Variants in TBC1D22A observed in about 807,000 individuals in gnomAD.
TBC1D22A encodes TBC1 domain family member 22A, also known as putative GTPase activator.
TBC1D22A carries 38 observed loss-of-function variants against 60.2 expected under a neutral mutation model. That is an observed-to-expected ratio of 0.63 (90% CI 0.49 to 0.83). The LOEUF (loss-of-function observed/expected upper bound fraction) is 0.83, where lower values mean the gene tolerates loss of function less well. Among genes scored for constraint, TBC1D22A ranks in the 40% least tolerant of loss-of-function variants. The pLI is 0.00. For synonymous variants in TBC1D22A, 302 were observed against 281.7 expected, an observed-to-expected ratio of 1.07 and a Z score of -0.72; for missense variants, 628 against 701.0, an observed-to-expected ratio of 0.90 and a Z score of 1.18.
At chr22:46,851,295 G>T (rs555413318) in intron 4 of TBC1D22A, among the ~76,000 whole-genome samples, 1 of 152,220 alleles carries the variant, frequency 6.6e-6, no homozygotes, top group Non-Finnish European at 1.5e-5. Flanking sequence ...GAACAGGTTC[G>T]ACTTTCACCG....
intron 8 of TBC1D22A, among the ~76,000 whole-genome samples, chr22:46,931,030 C>T (rs1027821949): frequency 1.3e-5 from 2 of 152,162 alleles, no homozygotes; most frequent in African/African-American, 4.8e-5. Context: ...AAGGCCCCAC[C>T]GTTTCAGTTC....
intron 11 of TBC1D22A, among the ~76,000 whole-genome samples, chr22:47,073,780 T>C (rs1158416286): frequency 6.6e-6 from 1 of 152,184 alleles, no homozygotes; most frequent in Non-Finnish European, 1.5e-5. Context: ...TGTTCCTTAG[T>C]AGGCCTTAAA....
chr22:47,097,544 G>T (rs1161057042), intron 11 of TBC1D22A, among the ~76,000 whole-genome samples: 1 of 152,018 alleles, frequency 6.6e-6, no homozygotes. Flanking sequence ...TTGGGAGGCG[G>T]AGCTTGCAGT....
intron 4 of TBC1D22A, among the ~76,000 whole-genome samples, chr22:46,867,510 A>G (rs1176855758): frequency 6.6e-6 from 1 of 152,244 alleles, no homozygotes; most frequent in Non-Finnish European, 1.5e-5. Flanking sequence ...AGCCCTCCAC[A>G]TCGATAAATG....
intron 1 of TBC1D22A, among the ~76,000 whole-genome samples, chr22:46,776,007 C>T (rs548776141): frequency 4.1e-4 from 63 of 152,326 alleles, no homozygotes; most frequent in South Asian, 4.1e-4. Context: ...CTCCTGCTAC[C>T]GAGGGACTTC....
rs371883385 is a variant in TBC1D22A at position 47,004,907 on chromosome 22, C to T, written c.1201+7198C>T. ...TACACACACCCCTATATATACATAC[C>T]TGCCATATACACATACACCTACATA... On this transcript the variant is annotated intron_variant, in intron 10 of 12. Coordinates refer to ENST00000337137, the MANE Select transcript of TBC1D22A (RefSeq NM_014346.5). Among the ~76,000 whole-genome samples, 42 of 151,914 alleles carry T rather than the reference C, an allele frequency of 2.8e-4. No individual in the cohort carries two copies. In the East Asian group the frequency reaches 4.1e-3, roughly 15 times the overall value.
chr22:46,879,132 TTG>T (rs1265733269), intron 5 of TBC1D22A, among the ~76,000 whole-genome samples: 1 of 151,616 alleles, frequency 6.6e-6, no homozygotes, highest in Non-Finnish European at 1.5e-5. Context: ...TTTTTTTTTT[TTG>T]TAAGTATTAG....
chr22:47,022,797 G>C (rs73888805), intron 10 of TBC1D22A, among the ~76,000 whole-genome samples: 6,125 of 152,262 alleles, frequency 0.04, 379 homozygotes, highest in African/African-American at 0.14. Flanking sequence ...TTTTCCTTCA[G>C]TAGTGGTAGT....
chr22:46,972,632 G>T (rs1215847681), intron 8 of TBC1D22A, among the ~76,000 whole-genome samples: 1 of 152,194 alleles, frequency 6.6e-6, no homozygotes, highest in Non-Finnish European at 1.5e-5. Context: ...TGCCAGGCGT[G>T]GGGTGGGGAG....
chr22:47,031,336 A>G (rs1329903903), intron 10 of TBC1D22A, among the ~76,000 whole-genome samples: 1 of 152,226 alleles, frequency 6.6e-6, no homozygotes. Context: ...CCCGGCGGGC[A>G]GAAACAGGCC....
chr22:46,776,263 GGA>G (rs1214012826), intron 1 of TBC1D22A, among the ~76,000 whole-genome samples: 3 of 152,242 alleles, frequency 2.0e-5, no homozygotes, highest in Admixed American at 6.5e-5. Flanking sequence ...TGAGTGAGGA[GGA>G]GTACAGGGTG....
At chr22:46,855,129 T>C (rs2087502347) in intron 4 of TBC1D22A, among the ~76,000 whole-genome samples, 1 of 152,192 alleles carries the variant, frequency 6.6e-6, no homozygotes, top group Non-Finnish European at 1.5e-5. Flanking sequence ...GGCAGAGCCC[T>C]GGACACAGGT....
chr22:47,171,256 C>T (rs758164983), intron 12 of TBC1D22A, among the ~76,000 whole-genome samples: 166 of 152,324 alleles, frequency 1.1e-3, no homozygotes, highest in Admixed American at 3.2e-3. Flanking sequence ...TGCGTTTTCT[C>T]GAGGCAGGCG....
chr22:47,098,015 T>C (rs2065251309), intron 11 of TBC1D22A, among the ~76,000 whole-genome samples: 1 of 151,710 alleles, frequency 6.6e-6, no homozygotes, highest in Non-Finnish European at 1.5e-5. Context: ...GCAGCTCTCA[T>C]GGCATGCTGG....
intron 1 of TBC1D22A, among the ~76,000 whole-genome samples, chr22:46,771,041 TCTTA>T (rs1413331432): frequency 6.6e-6 from 1 of 152,238 alleles, no homozygotes; most frequent in Non-Finnish European, 1.5e-5. Context: ...TTATTAAATG[TCTTA>T]CTTTGTCCAG....
intron 11 of TBC1D22A, among the ~76,000 whole-genome samples, chr22:47,097,957 C>A (rs567528881): frequency 4.3e-4 from 66 of 152,170 alleles, no homozygotes; most frequent in African/African-American, 1.6e-3. Context: ...TGCTAGGTAT[C>A]CCCTGGGAGT....
At chr22:46,839,864 A>T (rs888402376) in intron 4 of TBC1D22A, among the ~76,000 whole-genome samples, 4 of 152,358 alleles carry the variant, frequency 2.6e-5, no homozygotes, top group South Asian at 4.1e-4. Flanking sequence ...AGTCTTTTCA[A>T]TAAGTTTGTT....
At position 46,792,563 on chromosome 22, in the gene TBC1D22A, C is replaced by G. The variant is rs1419972438; in HGVS notation, c.106C>G (p.Leu36Val). ...YGAQHPPFDP[L>V]LHGTLLRSTA... ...TGCCCAGCACCCCCCCTTTGATCCA[C>G]TGTTACATGGCACGTAAGTGACGTT... Residue 36 changes from leucine (L) to valine (V), a missense_variant, in exon 2 of 13, where the codon CTG becomes GTG. Coordinates refer to ENST00000337137, the MANE Select transcript of TBC1D22A (RefSeq NM_014346.5). The G allele has an allele frequency of 6.2e-7, 1 of 1,614,258 alleles. No homozygotes were observed. Among genetic ancestry groups the G allele is most frequent in the African/African-American group, 1.3e-5 (1 of 75,080 alleles).
chr22:46,939,792 A>C (rs1337676297), intron 8 of TBC1D22A, among the ~76,000 whole-genome samples: 2 of 152,232 alleles, frequency 1.3e-5, no homozygotes, highest in Admixed American at 6.5e-5. Flanking sequence ...TGCATTTGAC[A>C]TTTAGAATCA....
Sources: allele counts gnomAD v4.1 joint callset (sites outside exome capture counted in the v4.1 genomes callset), GRCh38; gene constraint gnomAD v4.1.1; transcripts MANE v1.5; gene names NCBI Gene and HGNC (gene_info 2026-07-23, HGNC 2026-07-21).